Variants in KLF1 observed in about 807,000 individuals in gnomAD.
The protein encoded by KLF1 is Krueppel-like factor 1.
Under a neutral mutation model 28.0 loss-of-function variants are expected in KLF1, and 29 were observed. The ratio of observed to expected loss-of-function variants is 1.04; its 90% CI spans 0.77 to 1.41. The LOEUF is 1.41. KLF1 is among the 40% of genes most tolerant of loss of function. The probability of loss-of-function intolerance (pLI) is 0.00; values close to 1 mark genes in which losing one functional copy is unlikely to be tolerated. For missense variants in KLF1, 508 were observed against 515.1 expected, an observed-to-expected ratio of 0.99 and a Z score of 0.13; for synonymous variants, 262 against 242.6, an observed-to-expected ratio of 1.08 and a Z score of -0.74.
rs1392006023 is a variant in KLF1, at chr19:12,886,190, C to T, written c.88-48G>A. 4 of 1,443,256 alleles carry T rather than the reference C, an allele frequency of 2.8e-6. No individual in the cohort carries two copies. The Admixed American group carries it at 5.4e-5, about 20-fold the overall frequency. The allele number at this position is 1,443,256 out of a possible 1,614,324, so 89.4% of individuals were successfully genotyped here. On this transcript the variant is annotated intron_variant, in intron 1 of 2. Transcript: ENST00000264834. Reference sequence around the variant, plus strand: ...CGAGGTTCGGTGGACACTGGGGTGCCCTGCCCAGGGACATCGCGGGCTGGA... The same window carrying T: ...CGAGGTTCGGTGGACACTGGGGTGCTCTGCCCAGGGACATCGCGGGCTGGA...
chr19:12,885,365 T>G lies in KLF1; in HGVS notation c.865A>C (p.Ser289Arg). 1 of 1,604,674 alleles carries G rather than the reference T, an allele frequency of 6.2e-7. No individual in the cohort carries two copies. Among genetic ancestry groups the G allele is most frequent in the East Asian group, 2.2e-5 (1 of 44,482 alleles). Residue 289 changes from serine (S) to arginine (R), a missense_variant, in exon 2 of 3, where the codon AGC becomes CGC. Transcript: ENST00000264834. The surrounding 1 kb of genome is among the most constrained non-coding windows in gnomAD (Gnocchi z 5.6). ...HTCAHPGCGK[S>R]YTKSSHLKAH... ...TTCAGGTGGGAGCTCTTGGTGTAGCTCTTGCCGCAACCCGGGTGCGCGCAC... is the reference window on the plus strand; with the variant it reads ...TTCAGGTGGGAGCTCTTGGTGTAGCGCTTGCCGCAACCCGGGTGCGCGCAC...
At position 12,886,116 on chromosome 19, in the gene KLF1, G is replaced by T; in HGVS notation, c.114C>A (p.Asp38Glu). 1 of 1,604,726 alleles carries T rather than the reference G, an allele frequency of 6.2e-7. No homozygotes were observed. The highest frequency in any genetic ancestry group is 1.3e-5 in the African/African-American group (1 of 74,964). Residue 38 changes from aspartate to glutamate, a missense_variant, in exon 2 of 3, where the codon GAC becomes GAA. Physicochemically the swap from Asp to Glu is conservative, Grantham distance 45. Transcript: ENST00000264834. ...TGGGGTCAGGAGGACCCGGGCCCAT[G>T]TCCTGCGCCTCTTCGGAGCGCCACC... Reference protein sequence around the residue: ...LKWWRSEEAQDMGPGPPDPTE... With the variant: ...LKWWRSEEAQEMGPGPPDPTE...
At position 12,885,429 on chromosome 19, in the gene KLF1, G is replaced by C. The variant is rs752691531; in HGVS notation, c.801C>G (p.Gly267=). 1.5e-5 allele frequency: 24 copies of C among 1,605,402 alleles called. No individual in the cohort carries two copies. In the Admixed American group the frequency reaches 1.7e-4, roughly 11 times the overall value. Residue 267 remains glycine (G), a synonymous_variant, in exon 2 of 3, where the codon GGC becomes GGG. Coordinates refer to ENST00000264834, the MANE Select transcript of KLF1 (RefSeq NM_006563.5). The surrounding 1 kb of genome is among the most constrained non-coding windows in gnomAD (Gnocchi z 5.6). ...GCCTCTTGCGCGCCCACGAACGTCG[G>C]CCTCGCTTGGATGGCGCGGTCTCGG... is the stretch of plus-strand genomic sequence containing the variant. ...VIAETAPSKR[G]RRSWARKRQA... is the part of the protein sequence containing the mutation.
At chr19:12,886,977 A>G in intron 1 of KLF1, 77 bp downstream of exon 1, 2 of 1,386,060 alleles carry the variant, frequency 1.4e-6, no homozygotes, top group Non-Finnish European at 2.1e-6. Context: ...GTCAAGATGC[A>G]GGTCTGGACC....
chr19:12,885,885 T>C lies in KLF1; in HGVS notation c.345A>G (p.Ala115=). 1 of 1,552,374 alleles carries C rather than the reference T, an allele frequency of 6.4e-7. No individual in the cohort carries two copies. The highest frequency in any genetic ancestry group is 8.7e-7 in the Non-Finnish European group (1 of 1,148,096). ...CCACCAGCCCCGGGCCGCCAGCATA[T>C]GCGCCCAGAGTCTCGGGCGGCGGCG... is the stretch of plus-strand genomic sequence containing the variant. ...QYPPPPETLG[A]YAGGPGLVAG... Residue 115 remains alanine (A), a synonymous_variant, in exon 2 of 3, where the codon GCA becomes GCG. Coordinates refer to ENST00000264834, the MANE Select transcript of KLF1 (RefSeq NM_006563.5). This position sits in a 1 kb window ranked among gnomAD's most constrained non-coding sequence, Gnocchi z 5.6.
Position 12,885,980 on chromosome 19 carries a change from C to T in KLF1, c.250G>A (p.Gly84Ser), listed in dbSNP as rs1464847181. ...TGGGGCGCGCCACCGGGCTCCGGGC[C>T]CGAGAAGTTGGTGAGGAGGAGATCC... ...DLDLLLTNFS[G>S]PEPGGAPQTC... is the part of the protein sequence containing the mutation. Residue 84 changes from glycine (G) to serine (S), a missense_variant, in exon 2 of 3, where the codon GGC becomes AGC. Gly to Ser is a moderately conservative substitution (Grantham distance 56). Coordinates refer to ENST00000264834, the MANE Select transcript of KLF1 (RefSeq NM_006563.5). The surrounding 1 kb of genome is among the most constrained non-coding windows in gnomAD (Gnocchi z 5.6). 2 of 1,587,422 alleles carry T rather than the reference C, an allele frequency of 1.3e-6. No individual in the cohort carries two copies. The highest frequency in any genetic ancestry group is 1.7e-6 in the Non-Finnish European group (2 of 1,167,598).
rs940870719 is a variant in KLF1 at position 12,885,200 on chromosome 19, G to A, written c.913+117C>T. On this transcript the variant is annotated intron_variant, in intron 2 of 2. Transcript: ENST00000264834. The surrounding 1 kb of genome is among the most constrained non-coding windows in gnomAD (Gnocchi z 5.6). ...AGGCCCCTAGGGCACAAAATTTAAGGAGGCACTCACTCTCAGAGGCCAGCC... is the reference window on the plus strand; with the variant it reads ...AGGCCCCTAGGGCACAAAATTTAAGAAGGCACTCACTCTCAGAGGCCAGCC... The A allele has an allele frequency of 8.8e-5, 118 of 1,337,656 alleles. No homozygotes were observed. Among genetic ancestry groups the A allele is most frequent in the Admixed American group, 6.7e-4 (32 of 48,108 alleles). 82.9% of individuals were successfully genotyped at this position (1,337,656 alleles called of 1,614,324 possible). A position where few individuals can be genotyped will look rare whatever the true frequency, so the allele number is the denominator to read the frequency against.
chr19:12,885,842 C>G lies in KLF1; in HGVS notation c.388G>C (p.Glu130Gln). ...PGLVAGLLGS[E>Q]DHSGWVRPAL... ...GGGCGCACCCAACCCGAGTGATCCTCCGAACCCAAAAGCCCAGCCACCAGC... is the reference window on the plus strand; with the variant it reads ...GGGCGCACCCAACCCGAGTGATCCTGCGAACCCAAAAGCCCAGCCACCAGC... Residue 130 changes from glutamate (E) to glutamine (Q), a missense_variant, in exon 2 of 3, where the codon GAG (glutamate) becomes CAG (glutamine). Physicochemically the swap from Glu to Gln is conservative, Grantham distance 29. Coordinates refer to ENST00000264834, the MANE Select transcript of KLF1 (RefSeq NM_006563.5). The surrounding 1 kb of genome is among the most constrained non-coding windows in gnomAD (Gnocchi z 5.6). The G allele has an allele frequency of 6.4e-7, 1 of 1,551,200 alleles. No individual in the cohort carries two copies. The highest frequency in any genetic ancestry group is 8.7e-7 in the Non-Finnish European group (1 of 1,147,652).
intron 1 of KLF1, among the ~76,000 whole-genome samples, 163 bp downstream of exon 1, chr19:12,886,891 C>A (rs1970455240): frequency 6.6e-6 from 1 of 152,172 alleles, no homozygotes; most frequent in Admixed American, 6.5e-5. Flanking sequence ...CCCTCCTCAC[C>A]CCCTGCCAGA....
At position 12,886,146 on chromosome 19, in the gene KLF1, C is replaced by T. The variant is rs770809418; in HGVS notation, c.88-4G>A. 7 of 1,597,102 alleles carry T rather than the reference C, an allele frequency of 4.4e-6. No individual in the cohort carries two copies. On this transcript the variant is annotated splice_region_variant and splice_polypyrimidine_tract_variant and intron_variant, in intron 1 of 2. Coordinates refer to ENST00000264834, the MANE Select transcript of KLF1 (RefSeq NM_006563.5). Reference sequence around the variant, plus strand: ...GCGCCTCTTCGGAGCGCCACCACTGCGGGAGGGAGCAGGCAGCTCGAGGTT... The same window carrying T: ...GCGCCTCTTCGGAGCGCCACCACTGTGGGAGGGAGCAGGCAGCTCGAGGTT...
chr19:12,886,488 C>T (rs1970451133), intron 1 of KLF1, among the ~76,000 whole-genome samples: 1 of 152,134 alleles, frequency 6.6e-6, no homozygotes, highest in Non-Finnish European at 1.5e-5. Context: ...TCCCCCAGAA[C>T]ATCCCTCTCC....
In KLF1 at chr19:12,885,883, T is replaced by G; in HGVS notation, c.347A>C (p.Tyr116Ser). The change falls in exon 2 of 3, where the codon TAT (tyrosine) becomes TCT (serine). Residue 116 changes from tyrosine (Y) to serine (S), a missense_variant. Coordinates refer to ENST00000264834, the MANE Select transcript of KLF1 (RefSeq NM_006563.5). This position sits in a 1 kb window ranked among gnomAD's most constrained non-coding sequence, Gnocchi z 5.6. The part of the protein sequence containing the change: ...YPPPPETLGA[Y>S]AGGPGLVAGL... ...AGCCACCAGCCCCGGGCCGCCAGCATATGCGCCCAGAGTCTCGGGCGGCGG... is the reference window on the plus strand; with the variant it reads ...AGCCACCAGCCCCGGGCCGCCAGCAGATGCGCCCAGAGTCTCGGGCGGCGG... 1 of 1,552,372 alleles carries G rather than the reference T, an allele frequency of 6.4e-7. No homozygotes were observed. Among genetic ancestry groups the G allele is most frequent in the Non-Finnish European group, 8.7e-7 (1 of 1,148,096 alleles).
chr19:12,884,887 A>C lies in KLF1; in HGVS notation c.1087T>G (p.Ter363GlyextTer126). The C allele has an allele frequency of 6.2e-7, 1 of 1,613,850 alleles. No individual in the cohort carries two copies. The highest frequency in any genetic ancestry group is 8.5e-7 in the Non-Finnish European group (1 of 1,180,016). The change falls in exon 3 of 3, where the codon TGA becomes GGA. Residue 363 changes from the stop codon to glycine, a stop_lost. Coordinates refer to ENST00000264834, the MANE Select transcript of KLF1 (RefSeq NM_006563.5). ...HLALHMKRHL[*>G] ...GAGTCCAAGTGCCAGGGCAGGGCTC[A>C]AAGGTGGCGCTTCATGTGCAAGGCC...
At position 12,885,104 on chromosome 19, in the gene KLF1, T is replaced by C; in HGVS notation, c.914-44A>G. The C allele has an allele frequency of 1.3e-6, 2 of 1,593,102 alleles. No individual in the cohort carries two copies. The highest frequency in any genetic ancestry group is 1.7e-6 in the Non-Finnish European group (2 of 1,174,234). On this transcript the variant is annotated intron_variant, in intron 2 of 2. Coordinates refer to ENST00000264834, the MANE Select transcript of KLF1 (RefSeq NM_006563.5). The surrounding 1 kb of genome is among the most constrained non-coding windows in gnomAD (Gnocchi z 5.6). ...ATAAGCGCCACTGTCTGCCCAGTCA[T>C]GTCCCCGGGTCCCCTGCATCTGGCC...
Position 12,885,324 on chromosome 19 carries a change from C to G in KLF1, c.906G>C (p.Thr302=), listed in dbSNP as rs1016406364. The G allele has an allele frequency of 6.3e-7, 1 of 1,585,692 alleles. No individual in the cohort carries two copies. Among genetic ancestry groups the G allele is most frequent in the Admixed American group, 1.8e-5 (1 of 56,204 alleles). The change falls in exon 2 of 3, where the codon ACG becomes ACC. Residue 302 remains threonine, a synonymous_variant. Coordinates refer to ENST00000264834, the MANE Select transcript of KLF1 (RefSeq NM_006563.5). This position sits in a 1 kb window ranked among gnomAD's most constrained non-coding sequence, Gnocchi z 5.6. ...KSSHLKAHLR[T]HTGEKPYACT... is the part of the protein sequence containing the mutation. The stretch of plus-strand genomic sequence containing the variant: ...GGGGCCCCGCCCCCTCACCTGTGTG[C>G]GTGCGCAGATGCGCCTTCAGGTGGG...
Position 12,885,029 on chromosome 19 carries a change from G to A in KLF1, c.945C>T (p.Gly315=), listed in dbSNP as rs1161519856. The A allele has an allele frequency of 6.8e-6, 11 of 1,608,138 alleles. No individual in the cohort carries two copies. Among genetic ancestry groups the A allele is most frequent in the Non-Finnish European group, 7.6e-6 (9 of 1,180,004 alleles). Residue 315 remains glycine, a synonymous_variant, in exon 3 of 3, where the codon GGC becomes GGT. Transcript: ENST00000264834. The surrounding 1 kb of genome is among the most constrained non-coding windows in gnomAD (Gnocchi z 5.6). ...CCGAGCGCGCGAATCTCCAGCCGCA[G>A]CCTTCCCACGTGCAGGCGTATGGCT... is the stretch of plus-strand genomic sequence containing the variant. The part of the protein sequence containing the change: ...GEKPYACTWE[G]CGWRFARSDE...
At position 12,885,978 on chromosome 19, in the gene KLF1, GCC is replaced by G; in HGVS notation, c.250_251del (p.Gly84ProfsTer268). ...TCTGGGGCGCGCCACCGGGCTCCGG[GCC>G]CGAGAAGTTGGTGAGGAGGAGATCC... ...DLDLLLTNFS[G>X]PEPGGAPQTC... On this transcript the variant is annotated frameshift_variant, in exon 2 of 3. Coordinates refer to ENST00000264834, the MANE Select transcript of KLF1 (RefSeq NM_006563.5). LOFTEE classifies it high-confidence loss of function. This position sits in a 1 kb window ranked among gnomAD's most constrained non-coding sequence, Gnocchi z 5.6. The G allele has an allele frequency of 6.3e-7, 1 of 1,585,754 alleles. No individual in the cohort carries two copies. The highest frequency in any genetic ancestry group is 1.8e-5 in the Admixed American group (1 of 56,050).
Position 12,884,904 on chromosome 19 carries a change from T to G in KLF1, c.1070A>C (p.His357Pro), listed in dbSNP as rs1458026004. The G allele has an allele frequency of 6.2e-7, 1 of 1,613,832 alleles. No homozygotes were observed. Among genetic ancestry groups the G allele is most frequent in the East Asian group, 2.2e-5 (1 of 44,880 alleles). The change falls in exon 3 of 3, where the codon CAC (histidine) becomes CCC (proline). Residue 357 changes from histidine to proline, a missense_variant. Coordinates refer to ENST00000264834, the MANE Select transcript of KLF1 (RefSeq NM_006563.5). ...CAGGGCTCAAAGGTGGCGCTTCATG[T>G]GCAAGGCCAGGTGGTCAGAGCGCGA... The part of the protein sequence containing the change: ...AFSRSDHLAL[H>P]MKRHL
rs1299077130 is a variant in KLF1 at position 12,886,154 on chromosome 19, A to G, written c.88-12T>C. The stretch of plus-strand genomic sequence containing the variant: ...TCGGAGCGCCACCACTGCGGGAGGG[A>G]GCAGGCAGCTCGAGGTTCGGTGGAC... On this transcript the variant is annotated splice_polypyrimidine_tract_variant and intron_variant, in intron 1 of 2. Transcript: ENST00000264834. 36 of 1,593,682 alleles carry G rather than the reference A, an allele frequency of 2.3e-5. No individual in the cohort carries two copies. The highest frequency in any genetic ancestry group is 3.1e-5 in the Non-Finnish European group (36 of 1,175,116).
Sources: allele counts gnomAD v4.1 joint callset (sites outside exome capture counted in the v4.1 genomes callset), GRCh38; gene constraint gnomAD v4.1.1; non-coding constraint Gnocchi (gnomAD v3.1); transcripts MANE v1.5; gene names NCBI Gene and HGNC (gene_info 2026-07-23, HGNC 2026-07-21).